NDC80: variants seen among roughly 807,000 people sequenced by gnomAD.
NDC80 encodes kinetochore protein NDC80 homolog.
NDC80 carries 69 observed loss-of-function variants against 89.3 expected under a neutral mutation model. The ratio of observed to expected loss-of-function variants is 0.77; its 90% CI spans 0.64 to 0.94. The LOEUF is 0.94. Ranked by LOEUF, NDC80 falls within the 40% of genes least tolerant of loss-of-function variation. The pLI is 0.00. For missense variants in NDC80, 593 were observed against 739.6 expected (o/e 0.80, Z 2.30); for synonymous variants, 243 against 255.6 (o/e 0.95, Z 0.47).
chr18:2,572,890 CT>C, intron 1 of NDC80, 86 bp from the exon 2 acceptor site: 2 of 907,154 alleles, frequency 2.2e-6, no homozygotes, highest in Non-Finnish European at 3.3e-6. Context: ...TGAAACCTGA[CT>C]GTCTTTCTGT....
intron 7 of NDC80, among the ~76,000 whole-genome samples, 193 bp from the exon 8 acceptor site, chr18:2,587,637 G>C (rs924105267): frequency 3.3e-5 from 5 of 152,060 alleles, no homozygotes; most frequent in African/African-American, 7.2e-5. Context: ...TTCATATTTA[G>C]AAGTAGCAGA....
intron 1 of NDC80, 131 bp from the exon 2 acceptor site, chr18:2,572,845 AC>A: frequency 1.5e-6 from 1 of 645,224 alleles, no homozygotes; most frequent in Non-Finnish European, 2.7e-6. Context: ...AAAAAGAGAT[AC>A]CCCAGGGGAA....
chr18:2,587,693 T>C (rs1223358748), intron 7 of NDC80, 137 bp from the exon 8 acceptor site: 2 of 594,760 alleles, frequency 3.4e-6, no homozygotes, highest in Non-Finnish European at 5.9e-6. Flanking sequence ...GGTTTTTGTC[T>C]CTTATTTATA....
intron 1 of NDC80, 113 bp from the exon 2 acceptor site, chr18:2,572,864 G>A: frequency 2.7e-6 from 2 of 741,732 alleles, no homozygotes; most frequent in Non-Finnish European, 4.4e-6. Context: ...GAAAGATGAT[G>A]ATCTTGAAGA....
At chr18:2,605,263 G>A (rs201098358) in intron 13 of NDC80, among the ~76,000 whole-genome samples, 20 of 84,942 alleles carry the variant, frequency 2.4e-4, no homozygotes, top group Non-Finnish European at 4.2e-4. Context: ...GGAGTCGGGC[G>A]GGCTATATGT....
At position 2,578,076 on chromosome 18, in the gene NDC80, C is replaced by G. The variant is rs777353844; in HGVS notation, c.411C>G (p.Cys137Trp). Residue 137 changes from cysteine to tryptophan, a missense_variant, in exon 5 of 17, where the codon TGC becomes TGG. Physicochemically the swap from Cys to Trp is radical, Grantham distance 215. Coordinates refer to ENST00000261597, the MANE Select transcript of NDC80 (RefSeq NM_006101.3). ...TCACATTTCTTTATGGCTTCCTGTG[C>G]CCCTCATACGAACTTCCTGACACAA... ...KIFTFLYGFL[C>W]PSYELPDTKF... 2 of 1,614,008 alleles carry G rather than the reference C, an allele frequency of 1.2e-6. No homozygotes were observed. Among genetic ancestry groups the G allele is most frequent in the Admixed American group, 1.7e-5 (1 of 60,008 alleles).
At chr18:2,612,109 TAAGAG>T (rs553515331) in intron 16 of NDC80, among the ~76,000 whole-genome samples, 33 of 152,168 alleles carry the variant, frequency 2.2e-4, no homozygotes, top group Non-Finnish European at 4.6e-4. Context: ...TCTAGATGCA[TAAGAG>T]AAAAGTTTAT....
At position 2,573,992 on chromosome 18, in the gene NDC80, T is replaced by C. The variant is rs563186528; in HGVS notation, c.101+906T>C. Among the ~76,000 whole-genome samples the C allele has an allele frequency of 7.9e-5, 12 of 152,182 alleles. No individual in the cohort carries two copies. The East Asian group carries it at 2.3e-3, about 29-fold the overall frequency. On this transcript the variant is annotated intron_variant, in intron 2 of 16. Coordinates refer to ENST00000261597, the MANE Select transcript of NDC80 (RefSeq NM_006101.3). ...AAGATAATGGAAATCATAATGTAGA[T>C]AGGGTTTTTGTTCTGCAGAGAAGCA...
At chr18:2,582,986 G>A (rs776116253) in intron 6 of NDC80, 12 of 152,168 alleles carry the variant, frequency 7.9e-5, no homozygotes, top group Admixed American at 5.2e-4. Flanking sequence ...CTTCAGGAGC[G>A]TCTTGTTAGC....
At chr18:2,583,529 C>T (rs1359671872) in intron 6 of NDC80, among the ~76,000 whole-genome samples, 7 of 151,910 alleles carry the variant, frequency 4.6e-5, no homozygotes, top group Non-Finnish European at 1.0e-4. Flanking sequence ...AGTGAAACCC[C>T]GTCTCTACTA....
chr18:2,599,261 C>T, intron 12 of NDC80, 90 bp downstream of exon 12: 1 of 1,011,926 alleles, frequency 9.9e-7, no homozygotes, highest in African/African-American at 1.7e-5. Flanking sequence ...TAACCCAGTA[C>T]TAAACAAAGG....
intron 16 of NDC80, among the ~76,000 whole-genome samples, chr18:2,616,035 T>C (rs1225038629): frequency 1.3e-5 from 2 of 151,840 alleles, no homozygotes; most frequent in Non-Finnish European, 2.9e-5. Context: ...TCTTTTTACT[T>C]TTTTTTTGGA....
At chr18:2,583,878 T>C (rs911475901) in intron 6 of NDC80, among the ~76,000 whole-genome samples, 1 of 152,186 alleles carries the variant, frequency 6.6e-6, no homozygotes, top group African/African-American at 2.4e-5. Context: ...ATTGTCTCCC[T>C]GAGAAATCCT....
In NDC80 at chr18:2,608,843, C is replaced by G; in HGVS notation, c.1688+13C>G. 6.3e-7 allele frequency: 1 copy of G among 1,593,054 alleles called. No individual in the cohort carries two copies. Among genetic ancestry groups the G allele is most frequent in the Middle Eastern group, 1.7e-4 (1 of 5,992 alleles). ...CTGTTCAGCGGGAGTAAGTTTATCT[C>G]ACCAAGATTTATACGTTTATTTTCA... On this transcript the variant is annotated intron_variant, in intron 15 of 16. Coordinates refer to ENST00000261597, the MANE Select transcript of NDC80 (RefSeq NM_006101.3).
intron 15 of NDC80, 59 bp from the exon 16 acceptor site, chr18:2,610,700 T>C: frequency 1.7e-6 from 2 of 1,144,112 alleles, no homozygotes; most frequent in Non-Finnish European, 2.5e-6. Flanking sequence ...GTGAGCTAAC[T>C]AGAACGGATG....
At chr18:2,608,013 G>A (rs1345903489) in intron 14 of NDC80, among the ~76,000 whole-genome samples, 49 of 90,684 alleles carry the variant, frequency 5.4e-4, no homozygotes, top group African/African-American at 2.2e-3. Context: ...TATTTAGCTA[G>A]CCCCTTATTA....
At chr18:2,580,547 C>G (rs1398511734) in intron 6 of NDC80, among the ~76,000 whole-genome samples, 9 of 151,822 alleles carry the variant, frequency 5.9e-5, no homozygotes, top group African/African-American at 2.2e-4. Flanking sequence ...GGATTTTGAC[C>G]CAGGAGCCAT....
At chr18:2,583,868 A>T (rs570848667) in intron 6 of NDC80, among the ~76,000 whole-genome samples, 116 of 152,288 alleles carry the variant, frequency 7.6e-4, no homozygotes, top group African/African-American at 2.6e-3. Flanking sequence ...GGCTGAGGAC[A>T]TTGTCTCCCT....
At chr18:2,612,996 G>C (rs1347173912) in intron 16 of NDC80, among the ~76,000 whole-genome samples, 1 of 152,170 alleles carries the variant, frequency 6.6e-6, no homozygotes, top group African/African-American at 2.4e-5. Context: ...CAGAGAGGGG[G>C]GTTTAGATCT....
Sources: allele counts gnomAD v4.1 joint callset (sites outside exome capture counted in the v4.1 genomes callset), GRCh38; gene constraint gnomAD v4.1.1; transcripts MANE v1.5; gene names NCBI Gene and HGNC (gene_info 2026-07-23, HGNC 2026-07-21).